Variants in NOX5 observed in about 807,000 individuals in gnomAD.
The protein encoded by NOX5 is NADPH oxidase, EF-hand calcium binding domain 5.
NOX5 carries 76 observed loss-of-function variants against 85.7 expected under a neutral mutation model. The ratio of observed to expected loss-of-function variants is 0.89; its 90% confidence interval spans 0.74 to 1.07. NOX5 has a LOEUF of 1.07. Ranked by LOEUF, NOX5 falls within the 50% of genes least tolerant of loss-of-function variation. The pLI is 0.00. For synonymous variants in NOX5, 405 were observed against 401.4 expected, an observed-to-expected ratio of 1.01 and a Z score of -0.11; for missense variants, 973 against 999.5, an observed-to-expected ratio of 0.97 and a Z score of 0.36.
rs180937634 is a variant in NOX5, at chr15:69,042,417, G to A, written c.1505-246G>A. 1.4e-3 allele frequency among the ~76,000 whole-genome samples: 220 copies of A among 152,264 alleles called. 2 individuals carry two copies. The highest frequency in any genetic ancestry group is 5.1e-3 in the African/African-American group (211 of 41,540). On this transcript the variant is annotated intron_variant, in intron 9 of 15. Transcript: ENST00000388866. Reference sequence around the variant, plus strand: ...GTGAGCTGCTCTGATCCTTTCTTTGGTACAGGAGTCTGTACCCTTATTAAG... The same window carrying A: ...GTGAGCTGCTCTGATCCTTTCTTTGATACAGGAGTCTGTACCCTTATTAAG...
intron 3 of NOX5, 79 bp from the exon 4 acceptor site, chr15:69,031,439 A>G: frequency 1.4e-6 from 2 of 1,466,746 alleles, no homozygotes; most frequent in Non-Finnish European, 1.8e-6. Flanking sequence ...CTTCAGTTGC[A>G]TGGTCTATAC....
At chr15:69,022,304 A>G (rs1254258183) in intron 1 of NOX5, 3 of 180,482 alleles carry the variant, frequency 1.7e-5, no homozygotes, top group African/African-American at 7.1e-5. Context: ...AGGTGACCTC[A>G]AAGACCTGAA....
rs76791557 is a variant in NOX5 at position 69,019,714 on chromosome 15, G to C, written c.50+4929G>C. Among the ~76,000 whole-genome samples, 863 of 152,296 alleles carry C rather than the reference G, an allele frequency of 5.7e-3. 8 individuals carry two copies. The highest frequency in any genetic ancestry group is 0.02 in the African/African-American group (816 of 41,560). On this transcript the variant is annotated intron_variant, in intron 1 of 15. Coordinates refer to ENST00000388866, the MANE Select transcript of NOX5 (RefSeq NM_024505.4). ...CACACCTATTATAGATAACGTGGGC[G>C]GGCTTAGCTGTTTTGAATGGCAATC... is the stretch of plus-strand genomic sequence containing the variant.
intron 14 of NOX5, among the ~76,000 whole-genome samples, chr15:69,050,693 G>A (rs548326588): frequency 1.3e-5 from 2 of 152,148 alleles, no homozygotes; most frequent in African/African-American, 4.8e-5. Flanking sequence ...TGGATTTTAT[G>A]TTATTTCTTT....
intron 1 of NOX5, among the ~76,000 whole-genome samples, chr15:69,020,280 T>A (rs2050281306): frequency 6.6e-6 from 1 of 152,232 alleles, no homozygotes; most frequent in Non-Finnish European, 1.5e-5. Context: ...TCTTCTGTCA[T>A]GCAGAAATTA....
In NOX5 at chr15:69,031,769, G is replaced by C. The variant is rs762907300; in HGVS notation, c.577G>C (p.Glu193Gln). The change falls in exon 4 of 16, where the codon GAG (glutamate) becomes CAG (glutamine). Residue 193 changes from glutamate to glutamine, a missense_variant. Transcript: ENST00000388866. ...CATCACCTTCGAGGAGCTCCGGGAC[G>C]AGCTGCAGCGCTTCCCCGGAGTCAT... ...GAITFEELRD[E>Q]LQRFPGVMEN... 1.9e-6 allele frequency: 3 copies of C among 1,607,012 alleles called. No individual in the cohort carries two copies. Among genetic ancestry groups the C allele is most frequent in the Non-Finnish European group, 2.6e-6 (3 of 1,174,880 alleles).
intron 14 of NOX5, 150 bp downstream of exon 14, chr15:69,049,208 T>C (rs77315414): frequency 2.7e-5 from 12 of 443,766 alleles, no homozygotes; most frequent in Non-Finnish European, 4.7e-5. Context: ...TTTTTTTTTT[T>C]TGAGACAAGG....
chr15:69,054,252 C>T (rs1005967563), intron 14 of NOX5, among the ~76,000 whole-genome samples: 4 of 152,216 alleles, frequency 2.6e-5, no homozygotes, highest in African/African-American at 7.2e-5. Flanking sequence ...TTATGGAACA[C>T]GGAGGTGCCC....
intron 1 of NOX5, among the ~76,000 whole-genome samples, chr15:69,026,124 A>G (rs1203593548): frequency 6.6e-6 from 1 of 152,198 alleles, no homozygotes; most frequent in Non-Finnish European, 1.5e-5. Flanking sequence ...AGAGAGACCA[A>G]AGGAAGTAGT....
At chr15:69,045,536 T>TTTTCTTTCTTTGTTTCTTTCTTTCTTTC (rs2050653650) in intron 10 of NOX5, among the ~76,000 whole-genome samples, 3 of 94,470 alleles carry the variant, frequency 3.2e-5, no homozygotes, top group African/African-American at 5.0e-5. Flanking sequence ...TTCCTTTCTT[T>TTTTCTTTCTTTGTTTCTTTCTTTCTTTC]TTTCTTTCTT....
chr15:69,046,154 G>A (rs1488430474), intron 10 of NOX5: 1 of 152,346 alleles, frequency 6.6e-6, no homozygotes, highest in Non-Finnish European at 1.5e-5. Context: ...GACTTGGACA[G>A]GGCTGTCTGA....
intron 1 of NOX5, among the ~76,000 whole-genome samples, chr15:69,018,350 T>C (rs188697279): frequency 3.3e-5 from 5 of 152,208 alleles, no homozygotes; most frequent in African/African-American, 9.6e-5. Flanking sequence ...ATAAGAAACA[T>C]TTACACTCTG....
intron 8 of NOX5, chr15:69,038,007 G>A (rs2140266307): frequency 6.6e-6 from 1 of 152,658 alleles, no homozygotes; most frequent in South Asian, 2.1e-4. Context: ...GAGGGGGCTT[G>A]TGGGGAGGTT....
chr15:69,054,367 C>T (rs1285050710), intron 14 of NOX5, among the ~76,000 whole-genome samples: 1 of 152,184 alleles, frequency 6.6e-6, no homozygotes, highest in Non-Finnish European at 1.5e-5. Flanking sequence ...TCGTCCCAGT[C>T]TCCTTCCCCA....
Position 69,057,930 on chromosome 15 carries a change from GCT to G in NOX5, c.*1240_*1241del, listed in dbSNP as rs2050833104. On this transcript the variant is annotated 3_prime_UTR_variant, in exon 16 of 16. Coordinates refer to ENST00000388866, the MANE Select transcript of NOX5 (RefSeq NM_024505.4). ...GGAGGGAACAGCAGAGGCAGCAAAG[GCT>G]CTCTCAGCACATACTGTGGGGAGGA... The G allele has an allele frequency of 6.6e-6, 1 of 152,330 alleles. No individual in the cohort carries two copies. Among genetic ancestry groups the G allele is most frequent in the Non-Finnish European group, 1.5e-5 (1 of 68,150 alleles). 9.4% of individuals were successfully genotyped at this position (152,330 alleles called of 1,614,324 possible). A position where few individuals can be genotyped will look rare whatever the true frequency, so the allele number is the denominator to read the frequency against.
chr15:69,026,665 C>T lies in NOX5; in HGVS notation c.174+14C>T, dbSNP rs1246758837. The T allele has an allele frequency of 6.2e-7, 1 of 1,613,756 alleles. No homozygotes were observed. The highest frequency in any genetic ancestry group is 8.5e-7 in the Non-Finnish European group (1 of 1,179,916). On this transcript the variant is annotated intron_variant, in intron 2 of 15. Coordinates refer to ENST00000388866, the MANE Select transcript of NOX5 (RefSeq NM_024505.4). ...CATGTGAAAGAGGCAAGTGTTGGGC[C>T]AAGGTGGAAGCCCTGCATTTATCGT...
intron 9 of NOX5, among the ~76,000 whole-genome samples, chr15:69,041,684 A>AT (rs1248827419): frequency 2.0e-5 from 3 of 152,168 alleles, no homozygotes; most frequent in African/African-American, 2.4e-5. Context: ...TAAGTCACAA[A>AT]TTTTTTTTAA....
rs878977672 is a variant in NOX5 at position 69,028,295 on chromosome 15, A to G, written c.255A>G (p.Ala85=). The change falls in exon 3 of 16, where the codon GCA becomes GCG. Residue 85 remains alanine (A), a synonymous_variant. Transcript: ENST00000388866. ...TCACCCTCCAGGAGCTGCAGGAGGC[A>G]CTGACCCTGCTCATCCATGGCAGCC... The part of the protein sequence containing the change: ...GTITLQELQE[A]LTLLIHGSPM... The G allele has an allele frequency of 8.1e-6, 13 of 1,613,656 alleles. No individual in the cohort carries two copies. In the South Asian group the frequency reaches 1.4e-4, roughly 18 times the overall value.
chr15:69,035,243 G>A, intron 5 of NOX5, 111 bp from the exon 6 acceptor site: 1 of 1,208,400 alleles, frequency 8.3e-7, no homozygotes, highest in South Asian at 1.5e-5. Context: ...TTTGGTGAGT[G>A]TCCTGTTCAG....
Sources: gnomAD v4.1 joint callset for allele counts (sites outside exome capture counted in the v4.1 genomes callset) on GRCh38, gnomAD v4.1.1 for gene constraint, MANE v1.5 for transcripts, NCBI Gene and HGNC (gene_info 2026-07-23, HGNC 2026-07-21) for gene names.